The following RFX3 variants were observed in gnomAD, a reference collection of about 807,000 sequenced individuals.
RFX3 encodes transcription factor RFX3.
RFX3 carries 14 observed loss-of-function variants against 98.6 expected under a neutral mutation model. The observed-to-expected ratio is 0.14, with a 90% CI of 0.09 to 0.22. The LOEUF (loss-of-function observed/expected upper bound fraction) is 0.22, where lower values mean the gene tolerates loss of function less well. Among genes scored for constraint, RFX3 ranks in the 10% least tolerant of loss-of-function variants. The probability of loss-of-function intolerance (pLI) is 1.00; values close to 1 mark genes in which losing one functional copy is unlikely to be tolerated. For synonymous variants in RFX3, 383 were observed against 328.4 expected (o/e 1.17, Z -1.80); for missense variants, 639 against 926.9 (o/e 0.69, Z 4.03).
At chr9:3,278,649 T>C (rs529799677) in intron 7 of RFX3, among the ~76,000 whole-genome samples, 1 of 151,958 alleles carries the variant, frequency 6.6e-6, no homozygotes, top group South Asian at 2.1e-4. Context: ...TGGTAGAACA[T>C]CATACAAACT....
At chr9:3,428,515 A>G (rs1020351164) in intron 1 of RFX3, among the ~76,000 whole-genome samples, 2 of 152,204 alleles carry the variant, frequency 1.3e-5, no homozygotes, top group Non-Finnish European at 2.9e-5. Context: ...AACAAGCAAA[A>G]TATCAGCAAT....
intron 2 of RFX3, among the ~76,000 whole-genome samples, chr9:3,369,619 G>C (rs1213416013): frequency 6.6e-6 from 1 of 152,048 alleles, no homozygotes; most frequent in Non-Finnish European, 1.5e-5. Flanking sequence ...ACCATAAAAG[G>C]ACTGCTTCTG....
At chr9:3,474,789 G>C (rs1184633188) in intron 1 of RFX3, among the ~76,000 whole-genome samples, 1 of 152,132 alleles carries the variant, frequency 6.6e-6, no homozygotes, top group Non-Finnish European at 1.5e-5. Flanking sequence ...CTAAATGTCT[G>C]TGAAACAGAA....
At chr9:3,328,040 A>G (rs1382620280) in intron 4 of RFX3, among the ~76,000 whole-genome samples, 1 of 152,192 alleles carries the variant, frequency 6.6e-6, no homozygotes, top group African/African-American at 2.4e-5. Context: ...TTAAACAGGT[A>G]TCAGAATCAG....
chr9:3,503,891 T>A (rs779145046), intron 1 of RFX3, among the ~76,000 whole-genome samples: 1 of 151,840 alleles, frequency 6.6e-6, no homozygotes, highest in South Asian at 2.1e-4. Context: ...ACTAAGGGTA[T>A]AACCAACCAA....
intron 2 of RFX3, among the ~76,000 whole-genome samples, chr9:3,347,792 C>T (rs1325798647): frequency 6.6e-6 from 1 of 152,124 alleles, no homozygotes; most frequent in African/African-American, 2.4e-5. Flanking sequence ...TGCCATTGCA[C>T]TCCAGCCTGG....
intron 2 of RFX3, among the ~76,000 whole-genome samples, chr9:3,392,652 A>G (rs539109282): frequency 2.4e-4 from 37 of 152,260 alleles, no homozygotes; most frequent in African/African-American, 8.2e-4. Flanking sequence ...AGTATTTGAA[A>G]ATAGGCCTGC....
chr9:3,329,336 A>C (rs1416245640), intron 4 of RFX3, among the ~76,000 whole-genome samples: 1 of 144,826 alleles, frequency 6.9e-6, no homozygotes, highest in Non-Finnish European at 1.5e-5. Context: ...TGAACCCAGA[A>C]GGCAGAGGTT....
chr9:3,395,522 G>T lies in RFX3; in HGVS notation c.67C>A (p.Gln23Lys), dbSNP rs1228391861. The change falls in exon 2 of 17, where the codon CAA becomes AAA. Residue 23 changes from glutamine to lysine, a missense_variant. Gln to Lys is a moderately conservative substitution (Grantham distance 53). This residue lies in a region of RFX3 where 210 missense variants were observed against 197.7 expected (regional missense o/e 1.06). Coordinates refer to ENST00000617270, the MANE Select transcript of RFX3 (RefSeq NM_001282116.2). ...TVTLQTSVAS[Q>K]AAVPTQVVQQ... ...ACCACCTGCGTAGGCACTGCTGCTT[G>T]ACTAGCCACAGATGTTTGTAAGGTC... 2 of 1,613,950 alleles carry T rather than the reference G, an allele frequency of 1.2e-6. No individual in the cohort carries two copies. Among genetic ancestry groups the T allele is most frequent in the African/African-American group, 1.3e-5 (1 of 74,922 alleles).
intron 2 of RFX3, among the ~76,000 whole-genome samples, chr9:3,369,472 C>A (rs903602645): frequency 2.0e-5 from 3 of 152,170 alleles, no homozygotes; most frequent in African/African-American, 7.2e-5. Context: ...TCCACAAACA[C>A]AAACATTCAG....
intron 7 of RFX3, among the ~76,000 whole-genome samples, chr9:3,286,629 C>T (rs763357806): frequency 5.9e-5 from 9 of 151,850 alleles, no homozygotes; most frequent in Non-Finnish European, 8.8e-5. Flanking sequence ...ATCAAAGTTT[C>T]ATTGTTTTGC....
intron 15 of RFX3, among the ~76,000 whole-genome samples, chr9:3,244,154 C>A (rs1254847811): frequency 6.6e-6 from 1 of 151,956 alleles, no homozygotes; most frequent in East Asian, 1.9e-4. Flanking sequence ...AGGCACATGC[C>A]ACCACGCCCG....
intron 1 of RFX3, among the ~76,000 whole-genome samples, chr9:3,470,597 G>C (rs1009507162): frequency 8.5e-5 from 13 of 152,152 alleles, no homozygotes; most frequent in East Asian, 1.9e-4. Context: ...AGAGTGCTGG[G>C]ATTACAGGCA....
intron 1 of RFX3, among the ~76,000 whole-genome samples, chr9:3,501,210 C>A (rs1012432248): frequency 2.4e-4 from 37 of 152,128 alleles, no homozygotes; most frequent in African/African-American, 8.9e-4. Context: ...TCTCCATTTA[C>A]CCACCTTCCT....
intron 6 of RFX3, among the ~76,000 whole-genome samples, chr9:3,289,223 A>G (rs1827023748): frequency 6.6e-6 from 1 of 152,154 alleles, no homozygotes; most frequent in Admixed American, 6.6e-5. Context: ...TTATAAAAAT[A>G]GAGCAGAATT....
chr9:3,505,357 T>A (rs796746889), intron 1 of RFX3, among the ~76,000 whole-genome samples: 1 of 65,500 alleles, frequency 1.5e-5, no homozygotes, highest in Non-Finnish European at 3.2e-5. Flanking sequence ...TATTTTATAT[T>A]TATATAAATA....
At chr9:3,429,212 C>A (rs1844413157) in intron 1 of RFX3, among the ~76,000 whole-genome samples, 1 of 150,740 alleles carries the variant, frequency 6.6e-6, no homozygotes, top group African/African-American at 2.4e-5. Flanking sequence ...TTAGTAGAAA[C>A]GGGGTTTCAC....
In RFX3 at chr9:3,510,265, C is replaced by A. The variant is rs561341954; in HGVS notation, c.-9+15482G>T. On this transcript the variant is annotated intron_variant, in intron 1 of 16. Coordinates refer to ENST00000617270, the MANE Select transcript of RFX3 (RefSeq NM_001282116.2). ...TCACAGGGGATTTGAAGTTCCAGAC[C>A]CAAAAGTTTAGCTGCTATGCAAACA... Among the ~76,000 whole-genome samples, 59 of 151,526 alleles carry A rather than the reference C, an allele frequency of 3.9e-4. 1 individual carries two copies. Among genetic ancestry groups the A allele is most frequent in the African/African-American group, 1.4e-3 (58 of 41,340 alleles).
chr9:3,505,111 T>C (rs1371660776), intron 1 of RFX3, among the ~76,000 whole-genome samples: 31 of 98,770 alleles, frequency 3.1e-4, no homozygotes, highest in Non-Finnish European at 4.8e-4. Flanking sequence ...ATTTATTTTA[T>C]ATTTTATTTT....
Sources: gnomAD v4.1 joint callset for allele counts (sites outside exome capture counted in the v4.1 genomes callset) on GRCh38, gnomAD v4.1.1 for gene constraint, gnomAD v4.1.1 regional missense constraint, MANE v1.5 for transcripts, NCBI Gene and HGNC (gene_info 2026-07-23, HGNC 2026-07-21) for gene names.